The following CCSER1 variants were observed in gnomAD, a reference collection of about 807,000 sequenced individuals.
The protein encoded by CCSER1 is coiled-coil serine rich protein 1, also known as serine-rich coiled-coil domain-containing protein 1.
Under a neutral mutation model 82.0 loss-of-function variants are expected in CCSER1, and 41 were observed. The observed-to-expected ratio is 0.50, with a 90% CI of 0.39 to 0.65. The LOEUF (loss-of-function observed/expected upper bound fraction) is 0.65. Among genes scored for constraint, CCSER1 ranks in the 30% least tolerant of loss-of-function variants. CCSER1 has a pLI of 0.00. For missense variants in CCSER1, 1,119 were observed against 1,064.2 expected (o/e 1.05, Z -0.72); for synonymous variants, 414 against 383.9 (o/e 1.08, Z -0.92).
chr4:90,406,581 C>T lies in CCSER1; in HGVS notation c.1603+6452C>T, dbSNP rs77969889. Among the ~76,000 whole-genome samples the T allele has an allele frequency of 5.8e-3, 865 of 149,398 alleles. 47 individuals carry two copies. In the East Asian group the frequency reaches 0.11, roughly 19 times the overall value. On this transcript the variant is annotated intron_variant, in intron 4 of 10. Transcript: ENST00000509176. ...ATGTTGTATTCATCAGCACATGGAA[C>T]GTTCTCCAAGACCATAAGACAGGCC...
chr4:90,296,372 G>GTTCA (rs1169423531), intron 1 of CCSER1, among the ~76,000 whole-genome samples: 1 of 151,428 alleles, frequency 6.6e-6, no homozygotes, highest in Non-Finnish European at 1.5e-5. Flanking sequence ...ATTTGTTTGA[G>GTTCA]TTGTAGATTC....
intron 10 of CCSER1, among the ~76,000 whole-genome samples, chr4:91,308,998 G>A (rs1459794333): frequency 6.6e-6 from 1 of 151,974 alleles, no homozygotes; most frequent in Admixed American, 6.6e-5. Flanking sequence ...CTATGGGAAA[G>A]TGAGCTGCCT....
chr4:90,267,936 G>A (rs1324246858), intron 1 of CCSER1, among the ~76,000 whole-genome samples: 3 of 152,170 alleles, frequency 2.0e-5, no homozygotes, highest in Admixed American at 2.0e-4. Context: ...TGGAGTTCTA[G>A]TACATCTGTC....
intron 9 of CCSER1, among the ~76,000 whole-genome samples, chr4:90,930,991 C>A (rs1581122038): frequency 7.1e-6 from 1 of 140,178 alleles, no homozygotes; most frequent in East Asian, 2.1e-4. Flanking sequence ...TATATATTGA[C>A]ATACACACAT....
At chr4:90,554,054 G>C (rs1777837011) in intron 5 of CCSER1, among the ~76,000 whole-genome samples, 1 of 152,080 alleles carries the variant, frequency 6.6e-6, no homozygotes, top group Non-Finnish European at 1.5e-5. Context: ...GAAAATTGGA[G>C]AGAACACCAT....
At chr4:91,554,673 A>AT (rs1431356024) in intron 10 of CCSER1, among the ~76,000 whole-genome samples, 1 of 151,154 alleles carries the variant, frequency 6.6e-6, no homozygotes, top group Non-Finnish European at 1.5e-5. Context: ...TTCCAATGGT[A>AT]TTTTTTATTA....
intron 1 of CCSER1, among the ~76,000 whole-genome samples, chr4:90,165,931 A>G (rs938207485): frequency 9.9e-5 from 15 of 152,196 alleles, no homozygotes; most frequent in African/African-American, 3.4e-4. Context: ...AACTAGGTTA[A>G]AGCTGGGGAT....
chr4:90,997,071 A>G (rs1187053427), intron 9 of CCSER1, among the ~76,000 whole-genome samples: 1 of 152,210 alleles, frequency 6.6e-6, no homozygotes, highest in East Asian at 1.9e-4. Flanking sequence ...ACTGTAACAA[A>G]GAACCACAGT....
Position 90,258,141 on chromosome 4 carries a change from G to T in CCSER1, c.-41-50103G>T, listed in dbSNP as rs538286011. Among the ~76,000 whole-genome samples the T allele has an allele frequency of 3.3e-5, 5 of 152,228 alleles. No individual in the cohort carries two copies. The South Asian group carries it at 8.3e-4, about 25-fold the overall frequency. On this transcript the variant is annotated intron_variant, in intron 1 of 10. Transcript: ENST00000509176. ...CTCTATAGCCAGATAATAATTTCTG[G>T]TTTTTATAGGCTGATGACTCCCATT...
At position 90,865,421 on chromosome 4, in the gene CCSER1, A is replaced by G. The variant is rs573958082; in HGVS notation, c.2094+49576A>G. On this transcript the variant is annotated intron_variant, in intron 8 of 10. Transcript: ENST00000509176. The stretch of plus-strand genomic sequence containing the variant: ...AAAAGACAATTTTGCCTTCAATTGA[A>G]CACTAATCCCTACTAATTAGAATTT... Among the ~76,000 whole-genome samples, 4 of 152,132 alleles carry G rather than the reference A, an allele frequency of 2.6e-5. No homozygotes were observed. The East Asian group carries it at 7.8e-4, about 30-fold the overall frequency.
chr4:90,933,980 A>G (rs1730606908), intron 9 of CCSER1, among the ~76,000 whole-genome samples: 1 of 151,794 alleles, frequency 6.6e-6, no homozygotes, highest in African/African-American at 2.4e-5. Flanking sequence ...GAGAATTTTG[A>G]AAACTCTAAT....
At chr4:91,256,901 G>T (rs1740735784) in intron 10 of CCSER1, among the ~76,000 whole-genome samples, 1 of 152,076 alleles carries the variant, frequency 6.6e-6, no homozygotes, top group Non-Finnish European at 1.5e-5. Context: ...ATGCTTCTTG[G>T]GTTAAACAAG....
chr4:90,728,018 G>C (rs1397782735), intron 7 of CCSER1, among the ~76,000 whole-genome samples: 1 of 152,096 alleles, frequency 6.6e-6, no homozygotes, highest in African/African-American at 2.4e-5. Flanking sequence ...AGGCATTGAG[G>C]AATACCCTCC....
intron 9 of CCSER1, among the ~76,000 whole-genome samples, chr4:91,003,047 C>G (rs1476195932): frequency 6.6e-6 from 1 of 152,120 alleles, no homozygotes; most frequent in Non-Finnish European, 1.5e-5. Flanking sequence ...GTAGGTCTAC[C>G]AGGCTCCAGG....
At chr4:91,025,365 T>C (rs539822348) in intron 9 of CCSER1, among the ~76,000 whole-genome samples, 2 of 152,194 alleles carry the variant, frequency 1.3e-5, no homozygotes, top group Non-Finnish European at 2.9e-5. Flanking sequence ...TATATATTCT[T>C]AGAAATACAT....
At chr4:90,973,257 G>T (rs1022509818) in intron 9 of CCSER1, among the ~76,000 whole-genome samples, 3 of 151,692 alleles carry the variant, frequency 2.0e-5, no homozygotes, top group Non-Finnish European at 4.4e-5. Context: ...GAAAATGTTT[G>T]CAAGCTATCC....
At chr4:91,361,809 C>G (rs936395828) in intron 10 of CCSER1, among the ~76,000 whole-genome samples, 1 of 151,692 alleles carries the variant, frequency 6.6e-6, no homozygotes, top group East Asian at 1.9e-4. Flanking sequence ...TAACTATGGC[C>G]TAACTACTGT....
At chr4:91,347,705 C>G (rs1026708511) in intron 10 of CCSER1, among the ~76,000 whole-genome samples, 1 of 151,652 alleles carries the variant, frequency 6.6e-6, no homozygotes, top group Non-Finnish European at 1.5e-5. Flanking sequence ...ATATTTATAT[C>G]TAAGTATTCA....
intron 1 of CCSER1, among the ~76,000 whole-genome samples, chr4:90,246,243 G>A (rs1721376317): frequency 6.6e-6 from 1 of 152,072 alleles, no homozygotes; most frequent in Admixed American, 6.6e-5. Context: ...TACACATGAG[G>A]TAATTAAGGT....
Sources: gnomAD v4.1 joint callset for allele counts (sites outside exome capture counted in the v4.1 genomes callset) on GRCh38, gnomAD v4.1.1 for gene constraint, MANE v1.5 for transcripts, NCBI Gene and HGNC (gene_info 2026-07-23, HGNC 2026-07-21) for gene names.